SZT2: variants seen among roughly 807,000 people sequenced by gnomAD.
The protein encoded by SZT2 is SZT2 subunit of KICSTOR complex.
Under a neutral mutation model 404.2 loss-of-function variants are expected in SZT2, and 216 were observed. That is an observed-to-expected ratio of 0.53 (90% CI 0.48 to 0.60). The LOEUF is 0.60. SZT2 is among the 20% of genes least tolerant of loss of function. The pLI is 0.00. For missense variants in SZT2, 3,857 were observed against 4,459.2 expected (o/e 0.86, Z 3.85); for synonymous variants, 1,693 against 1,749.9 (o/e 0.97, Z 0.81).
intron 62 of SZT2, chr1:43,445,634 T>A: frequency 1.8e-6 from 1 of 555,106 alleles, no homozygotes. Context: ...ACACACCCTC[T>A]CAGTAGCAGA....
chr1:43,439,669 G>GC lies in SZT2; in HGVS notation c.6948dup (p.Ser2317LeufsTer15). On this transcript the variant is annotated frameshift_variant, in exon 50 of 72. Coordinates refer to ENST00000634258, the MANE Select transcript of SZT2 (RefSeq NM_001365999.1). LOFTEE classifies it high-confidence loss of function. The surrounding 1 kb of genome is among the most constrained non-coding windows in gnomAD (Gnocchi z 4.2). ...GGGCCCCCTTGTCACTGGCGTTGTG[G>GC]CCCCCCTCCTCTCCGGGGCCCCCAG... 6.2e-7 allele frequency: 1 copy of GC among 1,613,260 alleles called. No individual in the cohort carries two copies. Among genetic ancestry groups the GC allele is most frequent in the Non-Finnish European group, 8.5e-7 (1 of 1,179,576 alleles).
chr1:43,427,614 A>G lies in SZT2; in HGVS notation c.3683A>G (p.Glu1228Gly), dbSNP rs749808666. 57 of 1,614,096 alleles carry G rather than the reference A, an allele frequency of 3.5e-5. No individual in the cohort carries two copies. The highest frequency in any genetic ancestry group is 4.8e-5 in the Non-Finnish European group (57 of 1,180,044). ...AYAGRQASQT[E>G]SADGPRTRCP... ...GCTGGGCGTCAGGCTTCCCAGACAG[A>G]GAGTGCGGATGGGCCCCGGACCCGG... is the stretch of plus-strand genomic sequence containing the variant. The change falls in exon 26 of 72, where the codon GAG (glutamate) becomes GGG (glycine). Residue 1228 changes from glutamate (E) to glycine (G), a missense_variant. Transcript: ENST00000634258.
intron 4 of SZT2, among the ~76,000 whole-genome samples, chr1:43,409,011 A>G (rs1472091895): frequency 6.6e-6 from 1 of 152,192 alleles, no homozygotes; most frequent in African/African-American, 2.4e-5. Flanking sequence ...TGCTGGGTCT[A>G]TATACAATTT....
Position 43,439,273 on chromosome 1 carries a change from A to C in SZT2, c.6793-85A>C. 1 of 1,544,904 alleles carries C rather than the reference A, an allele frequency of 6.5e-7. No homozygotes were observed. On this transcript the variant is annotated intron_variant, in intron 48 of 71. Transcript: ENST00000634258. This position sits in a 1 kb window ranked among gnomAD's most constrained non-coding sequence, Gnocchi z 4.2. ...TTCTCATGCTCCCATATCTACCTGC[A>C]CCACATTCCCCACTGTGGGCACCCA... is the stretch of plus-strand genomic sequence containing the variant.
At chr1:43,418,528 G>A (rs1185466437) in intron 7 of SZT2, among the ~76,000 whole-genome samples, 1 of 152,204 alleles carries the variant, frequency 6.6e-6, no homozygotes, top group Admixed American at 6.5e-5. Context: ...GCCAGAGTTG[G>A]GAAGAAGGAA....
intron 62 of SZT2, chr1:43,445,574 A>T (rs1467190394): frequency 1.8e-5 from 7 of 395,942 alleles, no homozygotes; most frequent in Non-Finnish European, 2.8e-5. Flanking sequence ...GAATTTTCCT[A>T]ATCAAATTGT....
rs1388299963 is a variant in SZT2, at chr1:43,450,059, G to C, written c.10087-44G>C. Reference sequence around the variant, plus strand: ...CCCTTCACCTCAGGATGCCCTGTGGGAGGGTCTGTAGGGTCTGTGTCCCCT... The same window carrying C: ...CCCTTCACCTCAGGATGCCCTGTGGCAGGGTCTGTAGGGTCTGTGTCCCCT... On this transcript the variant is annotated intron_variant, in intron 70 of 71. Transcript: ENST00000634258. This position sits in a 1 kb window ranked among gnomAD's most constrained non-coding sequence, Gnocchi z 4.3. 6.2e-7 allele frequency: 1 copy of C among 1,612,818 alleles called. No homozygotes were observed. The highest frequency in any genetic ancestry group is 2.2e-5 in the East Asian group (1 of 44,870).
At position 43,448,057 on chromosome 1, in the gene SZT2, C is replaced by A; in HGVS notation, c.9564-22C>A. On this transcript the variant is annotated intron_variant, in intron 68 of 71. Transcript: ENST00000634258. This position sits in a 1 kb window ranked among gnomAD's most constrained non-coding sequence, Gnocchi z 4.2. ...TGTCTCTTGCTACAACCACCACTCT[C>A]CTGCCCTGCTCCCCACCCCAGGCTA... The A allele has an allele frequency of 6.2e-7, 1 of 1,603,922 alleles. No individual in the cohort carries two copies. Among genetic ancestry groups the A allele is most frequent in the Non-Finnish European group, 8.5e-7 (1 of 1,172,954 alleles).
chr1:43,433,271 G>A, intron 40 of SZT2, 81 bp downstream of exon 40: 1 of 1,481,396 alleles, frequency 6.8e-7, no homozygotes, highest in South Asian at 1.2e-5. Flanking sequence ...CTCCAGTGTT[G>A]TTAGAAGTAA....
chr1:43,444,636 G>A (rs897636445), intron 62 of SZT2, among the ~76,000 whole-genome samples: 5 of 152,094 alleles, frequency 3.3e-5, no homozygotes, highest in African/African-American at 7.2e-5. Flanking sequence ...TAGGCAGCCC[G>A]TCTGTTGCCA....
intron 1 of SZT2, among the ~76,000 whole-genome samples, chr1:43,394,508 G>A (rs1283439602): frequency 6.6e-6 from 1 of 152,216 alleles, no homozygotes; most frequent in African/African-American, 2.4e-5. Context: ...CATTCTAGCT[G>A]CTTAAATTAT....
chr1:43,401,305 C>G (rs1414507504), intron 1 of SZT2, among the ~76,000 whole-genome samples: 1 of 152,144 alleles, frequency 6.6e-6, no homozygotes, highest in East Asian at 1.9e-4. Context: ...CAGAACAGCA[C>G]TTTAGATTGG....
Position 43,424,397 on chromosome 1 carries a change from C to G in SZT2, c.2436C>G (p.Leu812=). Residue 812 remains leucine (L), a synonymous_variant, in exon 16 of 72, where the codon CTC becomes CTG. Coordinates refer to ENST00000634258, the MANE Select transcript of SZT2 (RefSeq NM_001365999.1). This position sits in a 1 kb window ranked among gnomAD's most constrained non-coding sequence, Gnocchi z 4.1. ...CAGGACTGGCCCCTGCGCTGCCTCT[C>G]AGTGCCATTGCCCAGCTCCTCTCCA... is the stretch of plus-strand genomic sequence containing the variant. ...VPSGLAPALP[L]SAIAQLLSIL... 6.3e-7 allele frequency: 1 copy of G among 1,598,038 alleles called. No homozygotes were observed. The highest frequency in any genetic ancestry group is 8.5e-7 in the Non-Finnish European group (1 of 1,179,596).
intron 65 of SZT2, chr1:43,446,682 G>A: frequency 1.6e-6 from 1 of 617,776 alleles, no homozygotes; most frequent in Non-Finnish European, 2.8e-6. Flanking sequence ...GTCATCTAGA[G>A]TCTGTGGCAG....
Position 43,420,736 on chromosome 1 carries a change from G to T in SZT2, c.1262-13G>T, listed in dbSNP as rs779096579. On this transcript the variant is annotated splice_polypyrimidine_tract_variant and intron_variant, in intron 9 of 71. Transcript: ENST00000634258. This position sits in a 1 kb window ranked among gnomAD's most constrained non-coding sequence, Gnocchi z 5.1. ...ATGCCTTCTCCTAACTGGCCCTTCC[G>T]CTTCTCCCTAAGGAGGGTCCCAATT... The T allele has an allele frequency of 6.3e-7, 1 of 1,597,420 alleles. No homozygotes were observed. Among genetic ancestry groups the T allele is most frequent in the Non-Finnish European group, 8.5e-7 (1 of 1,179,038 alleles).
chr1:43,420,849 T>G lies in SZT2; in HGVS notation c.1362T>G (p.Pro454=), dbSNP rs747408794. The change falls in exon 10 of 72, where the codon CCT becomes CCG. Residue 454 remains proline, a synonymous_variant. Coordinates refer to ENST00000634258, the MANE Select transcript of SZT2 (RefSeq NM_001365999.1). This position sits in a 1 kb window ranked among gnomAD's most constrained non-coding sequence, Gnocchi z 5.1. ...CCTGGCCCCTGGAGCCTGAGGGCCC[T>G]CGAGTAACACGGGTGGAAGTGACGA... The part of the protein sequence containing the change: ...MAPWPLEPEG[P]RVTRVEVTME... The G allele has an allele frequency of 1.9e-5, 31 of 1,598,442 alleles. 1 individual carries two copies. The South Asian group carries it at 3.4e-4, about 18-fold the overall frequency.
chr1:43,441,693 C>T lies in SZT2; in HGVS notation c.7617C>T (p.Ala2539=). 6.2e-7 allele frequency: 1 copy of T among 1,614,216 alleles called. No homozygotes were observed. Among genetic ancestry groups the T allele is most frequent in the Non-Finnish European group, 8.5e-7 (1 of 1,180,032 alleles). The change falls in exon 55 of 72, where the codon GCC becomes GCT. Residue 2539 remains alanine, a synonymous_variant. Coordinates refer to ENST00000634258, the MANE Select transcript of SZT2 (RefSeq NM_001365999.1). The surrounding 1 kb of genome is among the most constrained non-coding windows in gnomAD (Gnocchi z 4.8). The part of the protein sequence containing the change: ...WMEFMVQIGC[A]SVSRSSAHMV... ...GACTCCTCTGCCTCCTAGGTTGTGCCTCAGTGTCCAGAAGCTCTGCCCACA... is the reference window on the plus strand; with the variant it reads ...GACTCCTCTGCCTCCTAGGTTGTGCTTCAGTGTCCAGAAGCTCTGCCCACA...
chr1:43,422,582 G>C lies in SZT2; in HGVS notation c.1872G>C (p.Trp624Cys), dbSNP rs765237992. The part of the protein sequence containing the change: ...HSSLTSLLRD[W>C]SSFVLVEGYS... ...CCCTGACCTCTCTGCTGCGGGACTG[G>C]AGCAGCTTCGTACTAGTCGAGGGCT... The change falls in exon 13 of 72, where the codon TGG (tryptophan) becomes TGC (cysteine). Residue 624 changes from tryptophan (W) to cysteine (C), a missense_variant. By Grantham distance (215) the Trp-to-Cys change is radical. Around this residue, in one of 7 missense-constraint regions of SZT2, gnomAD observed 1,725 missense variants for 1,881.0 expected, o/e 0.92. Coordinates refer to ENST00000634258, the MANE Select transcript of SZT2 (RefSeq NM_001365999.1). The C allele has an allele frequency of 2.4e-5, 38 of 1,597,914 alleles. No homozygotes were observed. The highest frequency in any genetic ancestry group is 5.0e-5 in the Admixed American group (3 of 59,956).
In SZT2 at chr1:43,447,771, C is replaced by G. The variant is rs1351560840; in HGVS notation, c.9440+73C>G. The G allele has an allele frequency of 2.5e-6, 4 of 1,610,466 alleles. No individual in the cohort carries two copies. The Admixed American group carries it at 6.7e-5, about 27-fold the overall frequency. On this transcript the variant is annotated intron_variant, in intron 67 of 71. Coordinates refer to ENST00000634258, the MANE Select transcript of SZT2 (RefSeq NM_001365999.1). Reference sequence around the variant, plus strand: ...TGGGACATACTTGCAGTAGGGAGACCAATGTTTTCTTGGGCAGGGGTGAGG... The same window carrying G: ...TGGGACATACTTGCAGTAGGGAGACGAATGTTTTCTTGGGCAGGGGTGAGG...
Sources: allele counts gnomAD v4.1 joint callset (sites outside exome capture counted in the v4.1 genomes callset), GRCh38; gene constraint gnomAD v4.1.1; regional missense constraint gnomAD v4.1.1; non-coding constraint Gnocchi (gnomAD v3.1); transcripts MANE v1.5; gene names NCBI Gene and HGNC (gene_info 2026-07-23, HGNC 2026-07-21).